Variants in CUX1 observed in about 807,000 individuals in gnomAD.
The protein encoded by CUX1 is protein CASP.
CUX1 carries 31 observed loss-of-function variants against 158.8 expected under a neutral mutation model. The observed-to-expected ratio is 0.20, with a 90% CI of 0.15 to 0.26. CUX1 has a LOEUF of 0.26. Ranked by LOEUF, CUX1 falls within the 10% of genes least tolerant of loss-of-function variation. The pLI is 1.00. For synonymous variants in CUX1, 879 were observed against 862.1 expected, an observed-to-expected ratio of 1.02 and a Z score of -0.34; for missense variants, 1,589 against 2,014.6, an observed-to-expected ratio of 0.79 and a Z score of 4.04.
intron 10 of CUX1, among the ~76,000 whole-genome samples, chr7:102,170,757 G>A (rs1791622497): frequency 6.6e-6 from 1 of 152,184 alleles, no homozygotes; most frequent in Non-Finnish European, 1.5e-5. Context: ...GTGCGTGGGT[G>A]GGCTGAGGCT....
intron 2 of CUX1, among the ~76,000 whole-genome samples, chr7:101,988,971 G>A (rs2129236519): frequency 6.6e-6 from 1 of 152,020 alleles, no homozygotes; most frequent in Admixed American, 6.6e-5. Context: ...TCCAGCCTGG[G>A]AAACAGGGTG....
At position 102,226,522 on chromosome 7, in the gene CUX1, C is replaced by A. The variant is rs150859027; in HGVS notation, c.3131-845C>A. On this transcript the variant is annotated intron_variant, in intron 20 of 23. Coordinates refer to ENST00000292535, the MANE Select transcript of CUX1 (RefSeq NM_181552.4). ...CTGCACTCCAGCCTGGGCCACCGAG[C>A]AAGACCCCATCTCTAAAAACATAAA... 1.0e-2 allele frequency among the ~76,000 whole-genome samples: 1,521 copies of A among 152,312 alleles called. 9 individuals are homozygous for A. Among genetic ancestry groups the A allele is most frequent in the Admixed American group, 0.018 (280 of 15,292 alleles).
chr7:102,282,798 C>G, intron 22 of CUX1: 1 of 1,473,752 alleles, frequency 6.8e-7, no homozygotes, highest in Non-Finnish European at 9.2e-7. Context: ...CACTTGGGCC[C>G]CCCCTCAGCC....
Position 102,085,203 on chromosome 7 carries a change from G to T in CUX1, c.269-12161G>T, listed in dbSNP as rs138049959. On this transcript the variant is annotated intron_variant, in intron 4 of 23. Transcript: ENST00000292535. Reference sequence around the variant, plus strand: ...TGTTAAACAAATCTTGCATTCCTAGGATAAATCTTACTTAGCCATGCATTT... The same window carrying T: ...TGTTAAACAAATCTTGCATTCCTAGTATAAATCTTACTTAGCCATGCATTT... Among the ~76,000 whole-genome samples the T allele has an allele frequency of 2.3e-3, 351 of 152,094 alleles. 2 individuals carry two copies. Among genetic ancestry groups the T allele is most frequent in the African/African-American group, 8.2e-3 (340 of 41,476 alleles).
intron 1 of CUX1, among the ~76,000 whole-genome samples, chr7:101,821,671 C>CTTTTTTTTTTCTTTTTTTTTTTTTTT: frequency 1.9e-5 from 1 of 51,302 alleles, no homozygotes; most frequent in Non-Finnish European, 3.3e-5. Context: ...TTTCTTTTTT[C>CTTTTTTTTTTCTTTTTTTTTTTTTTT]TTTTTTTTTT....
intron 1 of CUX1, among the ~76,000 whole-genome samples, chr7:101,873,008 G>A (rs1322983814): frequency 6.6e-6 from 1 of 152,050 alleles, no homozygotes; most frequent in Non-Finnish European, 1.5e-5. Flanking sequence ...GAGTAGCTGG[G>A]ATTACAGGCA....
At chr7:102,267,467 G>C (rs1790893040) in intron 14 of CUX1, among the ~76,000 whole-genome samples, 1 of 152,154 alleles carries the variant, frequency 6.6e-6, no homozygotes, top group Non-Finnish European at 1.5e-5. Flanking sequence ...CTGGGAGAGA[G>C]AGGTTGCAGA....
chr7:102,178,033 A>G (rs531605101), intron 10 of CUX1, among the ~76,000 whole-genome samples: 1 of 152,248 alleles, frequency 6.6e-6, no homozygotes, highest in Admixed American at 6.5e-5. Flanking sequence ...CTGGGATTAC[A>G]GGTCACCACC....
intron 5 of CUX1, among the ~76,000 whole-genome samples, chr7:102,098,985 C>A (rs1224478759): frequency 1.3e-5 from 2 of 152,004 alleles, no homozygotes; most frequent in African/African-American, 4.8e-5. Context: ...CTAAAAGTGT[C>A]CTTTGGCTTT....
chr7:102,046,132 G>A (rs1388921252), intron 3 of CUX1, among the ~76,000 whole-genome samples: 1 of 152,218 alleles, frequency 6.6e-6, no homozygotes, highest in Admixed American at 6.5e-5. Context: ...AGACCAGTGG[G>A]TTGCAGGTAA....
intron 2 of CUX1, among the ~76,000 whole-genome samples, chr7:101,946,739 G>C (rs922114530): frequency 1.3e-5 from 2 of 152,032 alleles, no homozygotes; most frequent in Non-Finnish European, 2.9e-5. Context: ...TCAGAGGTAG[G>C]CCTTGCTGTC....
In CUX1 at chr7:102,111,728, C is replaced by T. The variant is rs782297614; in HGVS notation, c.561C>T (p.Thr187=). 7 of 1,614,086 alleles carry T rather than the reference C, an allele frequency of 4.3e-6. No homozygotes were observed. Among genetic ancestry groups the T allele is most frequent in the South Asian group, 1.1e-5 (1 of 91,092 alleles). The change falls in exon 7 of 24, where the codon ACC becomes ACT. Residue 187 remains threonine, a synonymous_variant. Coordinates refer to ENST00000292535, the MANE Select transcript of CUX1 (RefSeq NM_181552.4). ...RKLQETQMST[T]SKLEEAEHKV... is the part of the protein sequence containing the mutation. ...TGCAGGAGACACAGATGTCCACCAC[C>T]TCAAAGCTGGAGGAAGCTGAGCATA...
chr7:102,076,760 C>G (rs1232139861), intron 4 of CUX1, among the ~76,000 whole-genome samples: 2 of 151,930 alleles, frequency 1.3e-5, no homozygotes, highest in Non-Finnish European at 2.9e-5. Context: ...TGCAGTGGCT[C>G]ACACCTGTAA....
chr7:101,964,900 C>T (rs575340893), intron 2 of CUX1, among the ~76,000 whole-genome samples: 6 of 152,332 alleles, frequency 3.9e-5, no homozygotes, highest in African/African-American at 1.4e-4. Context: ...TCATCTCCAC[C>T]TGATCCCAGG....
chr7:101,816,922 C>T, upstream of CUX1: 2 of 981,818 alleles, frequency 2.0e-6, no homozygotes, highest in Non-Finnish European at 2.4e-6. Context: ...CGGCGCGGAC[C>T]CCCGGGTTTG....
intron 11 of CUX1, chr7:102,188,754 G>A (rs1348381026): frequency 6.7e-6 from 1 of 149,046 alleles, no homozygotes. Context: ...AGGTTGCAGT[G>A]AGCGAAGCCA....
intron 9 of CUX1, 88 bp from the exon 10 acceptor site, chr7:102,170,358 C>A: frequency 2.2e-6 from 2 of 891,094 alleles, no homozygotes; most frequent in Non-Finnish European, 3.5e-6. Flanking sequence ...TATAGTCAGT[C>A]AGGCATGAAT....
intron 3 of CUX1, among the ~76,000 whole-genome samples, chr7:102,067,502 C>T (rs1184196455): frequency 6.7e-6 from 1 of 149,712 alleles, no homozygotes; most frequent in Non-Finnish European, 1.5e-5. Context: ...TCCCAAAGTG[C>T]TGGGATTACA....
intron 8 of CUX1, among the ~76,000 whole-genome samples, chr7:102,150,989 A>G (rs1835586231): frequency 6.6e-6 from 1 of 152,222 alleles, no homozygotes; most frequent in Non-Finnish European, 1.5e-5. Context: ...TTTGGAAAAT[A>G]AATGATTTTA....
Sources: allele counts gnomAD v4.1 joint callset (sites outside exome capture counted in the v4.1 genomes callset), GRCh38; gene constraint gnomAD v4.1.1; transcripts MANE v1.5; gene names NCBI Gene and HGNC (gene_info 2026-07-23, HGNC 2026-07-21).